The following ZNF609 variants were observed in gnomAD, a reference collection of about 807,000 sequenced individuals.
ZNF609 encodes zinc finger protein 609.
In ZNF609, 11 loss-of-function variants were observed where a neutral mutation model predicts 109.5. That is an observed-to-expected ratio of 0.10 (90% confidence interval 0.06 to 0.17). ZNF609 has a LOEUF of 0.17. Among genes scored for constraint, ZNF609 ranks in the 10% least tolerant of loss-of-function variants. The probability of loss-of-function intolerance (pLI) is 1.00; values close to 1 mark genes in which losing one functional copy is unlikely to be tolerated. For missense variants in ZNF609, 1,559 were observed against 1,772.4 expected (o/e 0.88, Z 2.16); for synonymous variants, 646 against 662.0 (o/e 0.98, Z 0.37).
In ZNF609 at chr15:64,612,702, G is replaced by T. The variant is rs1357073869; in HGVS notation, c.748-10125G>T. On this transcript the variant is annotated intron_variant, in intron 2 of 9. Transcript: ENST00000326648. ...TTTCCAAAGGCAGGGGAGAGGCAGG[G>T]TCCAAGTGTAGTTACTGTTTGAAAA... Among the ~76,000 whole-genome samples the T allele has an allele frequency of 2.7e-5, 4 of 150,292 alleles. No individual in the cohort carries two copies. The Admixed American group carries it at 2.7e-4, about 10-fold the overall frequency.
chr15:64,547,931 T>C (rs1467043797), intron 2 of ZNF609, among the ~76,000 whole-genome samples: 2 of 152,188 alleles, frequency 1.3e-5, no homozygotes, highest in Non-Finnish European at 2.9e-5. Context: ...CCTTGTAGAT[T>C]ACTTTTTGAT....
chr15:64,653,576 G>C (rs1323715587), intron 3 of ZNF609, among the ~76,000 whole-genome samples: 1 of 152,102 alleles, frequency 6.6e-6, no homozygotes, highest in Admixed American at 6.5e-5. Flanking sequence ...AACCTGGGAG[G>C]CAGAGGTTGC....
At chr15:64,654,212 T>C (rs1057141432) in intron 3 of ZNF609, 1 of 152,076 alleles carries the variant, frequency 6.6e-6, no homozygotes, top group Non-Finnish European at 1.5e-5. Flanking sequence ...AATTTTTGTA[T>C]TTTTAGTGGA....
chr15:64,597,379 A>G (rs901678168), intron 2 of ZNF609, among the ~76,000 whole-genome samples: 1 of 152,168 alleles, frequency 6.6e-6, no homozygotes, highest in Non-Finnish European at 1.5e-5. Context: ...AGGGACTGCT[A>G]TTTGGAAACA....
chr15:64,629,621 T>A (rs1210353696), intron 3 of ZNF609, among the ~76,000 whole-genome samples: 1 of 151,986 alleles, frequency 6.6e-6, no homozygotes, highest in Non-Finnish European at 1.5e-5. Context: ...TTTGGAGAGG[T>A]TTCCCAGAAG....
At chr15:64,591,167 C>T (rs111351606) in intron 2 of ZNF609, among the ~76,000 whole-genome samples, 7,030 of 152,128 alleles carry the variant, frequency 0.046, 542 homozygotes, top group African/African-American at 0.16. Flanking sequence ...CAGTGGCTCA[C>T]GCCTGCAATC....
At chr15:64,626,006 C>T (rs937363377) in intron 3 of ZNF609, among the ~76,000 whole-genome samples, 2 of 140,526 alleles carry the variant, frequency 1.4e-5, no homozygotes, top group Non-Finnish European at 3.0e-5. Context: ...GGAATGGTGT[C>T]GAAGTACTTT....
At chr15:64,522,925 C>T (rs543370408) in intron 2 of ZNF609, among the ~76,000 whole-genome samples, 89 of 147,206 alleles carry the variant, frequency 6.0e-4, no homozygotes, top group African/African-American at 2.0e-3. Context: ...TTTGTCTATT[C>T]GATGTTTACA....
intron 2 of ZNF609, among the ~76,000 whole-genome samples, chr15:64,601,868 A>G (rs1895502986): frequency 6.6e-6 from 1 of 152,196 alleles, no homozygotes; most frequent in African/African-American, 2.4e-5. Context: ...GCTTCTTTGC[A>G]GTAGCATAGT....
rs1316693364 is a variant in ZNF609, at chr15:64,682,351, G to A, written c.*665G>A. ...ACCTAGCCTGGAAAGGAAGACCAAGGCATCTGCCCCAACATGGCCTTGAGC... is the reference window on the plus strand; with the variant it reads ...ACCTAGCCTGGAAAGGAAGACCAAGACATCTGCCCCAACATGGCCTTGAGC... On this transcript the variant is annotated 3_prime_UTR_variant, in exon 10 of 10. Coordinates refer to ENST00000326648, the MANE Select transcript of ZNF609 (RefSeq NM_015042.2). The A allele has an allele frequency of 6.6e-6, 1 of 152,670 alleles. No individual in the cohort carries two copies. The highest frequency in any genetic ancestry group is 2.4e-5 in the African/African-American group (1 of 41,452). The allele number at this position is 152,670 out of a possible 1,614,324, so 9.5% of individuals were successfully genotyped here.
chr15:64,658,862 C>T (rs967755137), intron 3 of ZNF609, among the ~76,000 whole-genome samples: 1 of 151,632 alleles, frequency 6.6e-6, no homozygotes, highest in African/African-American at 2.4e-5. Flanking sequence ...TGATATCTAC[C>T]ATTTAGGAAT....
chr15:64,635,444 C>T (rs1896158788), intron 3 of ZNF609, among the ~76,000 whole-genome samples: 2 of 152,078 alleles, frequency 1.3e-5, no homozygotes, highest in Admixed American at 6.6e-5. Flanking sequence ...TTAATAAGGT[C>T]GTTTGACTAT....
intron 1 of ZNF609, among the ~76,000 whole-genome samples, chr15:64,479,283 G>GGTTTTTTTTT (rs1389448753): frequency 1.6e-5 from 1 of 64,358 alleles, no homozygotes; most frequent in Non-Finnish European, 3.1e-5. Flanking sequence ...GTACCTGTGT[G>GGTTTTTTTTT]ATTTTTTTTT....
At chr15:64,564,352 G>A (rs1894740248) in intron 2 of ZNF609, among the ~76,000 whole-genome samples, 1 of 152,050 alleles carries the variant, frequency 6.6e-6, no homozygotes, top group Non-Finnish European at 1.5e-5. Flanking sequence ...GAGCTGTTGT[G>A]GCCAGAGAAG....
intron 2 of ZNF609, among the ~76,000 whole-genome samples, chr15:64,575,155 G>C (rs538306388): frequency 1.6e-4 from 25 of 152,256 alleles, no homozygotes; most frequent in East Asian, 1.5e-3. Context: ...ACCAAATCCC[G>C]GGGTTTCTGT....
intron 3 of ZNF609, among the ~76,000 whole-genome samples, chr15:64,625,936 TAGAGAGAGAGAG>T (rs36226491): frequency 0.25 from 19,654 of 79,318 alleles, 2,337 homozygotes; most frequent in Middle Eastern, 0.34. Flanking sequence ...TATATATATA[TAGAGAGAGAGAG>T]AGAGAGAGAG....
At chr15:64,588,623 G>T (rs866936028) in intron 2 of ZNF609, among the ~76,000 whole-genome samples, 6 of 150,562 alleles carry the variant, frequency 4.0e-5, no homozygotes, top group African/African-American at 1.5e-4. Flanking sequence ...GGAATTACAG[G>T]CATGAACCAC....
chr15:64,616,320 T>C (rs1355727097), intron 2 of ZNF609, among the ~76,000 whole-genome samples: 1 of 151,900 alleles, frequency 6.6e-6, no homozygotes, highest in African/African-American at 2.4e-5. Context: ...CCTGTAAAGT[T>C]ATGTTGCAGC....
intron 2 of ZNF609, among the ~76,000 whole-genome samples, chr15:64,532,279 G>A (rs141055230): frequency 5.3e-4 from 81 of 152,034 alleles, no homozygotes; most frequent in African/African-American, 1.9e-3. Context: ...ATTTTTTCTC[G>A]AAGCACTAAT....
Sources: gnomAD v4.1 joint callset for allele counts (sites outside exome capture counted in the v4.1 genomes callset) on GRCh38, gnomAD v4.1.1 for gene constraint, MANE v1.5 for transcripts, NCBI Gene and HGNC (gene_info 2026-07-23, HGNC 2026-07-21) for gene names.